Variants in MACROD2 observed in about 807,000 individuals in gnomAD.
MACROD2 encodes the protein ADP-ribose glycohydrolase MACROD2.
A neutral mutation model predicts 70.4 loss-of-function variants in MACROD2; 36 were observed. The observed-to-expected ratio is 0.51, with a 90% CI of 0.39 to 0.68. MACROD2 has a LOEUF of 0.68. Among genes scored for constraint, MACROD2 ranks in the 30% least tolerant of loss-of-function variants. The pLI, the probability that MACROD2 is intolerant of heterozygous loss-of-function variation, is 0.00. For synonymous variants in MACROD2, 172 were observed against 178.8 expected, an observed-to-expected ratio of 0.96 and a Z score of 0.30; for missense variants, 496 against 538.4, an observed-to-expected ratio of 0.92 and a Z score of 0.78.
chr20:15,169,940 T>C (rs2076411498), intron 5 of MACROD2, among the ~76,000 whole-genome samples: 1 of 152,228 alleles, frequency 6.6e-6, no homozygotes, highest in Admixed American at 6.5e-5. Flanking sequence ...TCCATCAACA[T>C]AATCTTCTTT....
At chr20:15,035,320 C>T (rs966375930) in intron 5 of MACROD2, among the ~76,000 whole-genome samples, 2 of 152,038 alleles carry the variant, frequency 1.3e-5, no homozygotes, top group Admixed American at 1.3e-4. Context: ...GGGAAGATCA[C>T]TTTTGCCTGG....
rs150135832 is a variant in MACROD2, at chr20:15,106,234, T to A, written c.419-123706T>A. On this transcript the variant is annotated intron_variant, in intron 5 of 17. Coordinates refer to ENST00000684519, the MANE Select transcript of MACROD2 (RefSeq NM_001351661.2). ...CACAACTCTTAACTCACTTACTGGG[T>A]CAAGCTTTAATTTATTTATATGTGG... Among the ~76,000 whole-genome samples, 846 of 152,272 alleles carry A rather than the reference T, an allele frequency of 5.6e-3. 5 individuals carry two copies. The highest frequency in any genetic ancestry group is 0.01 in the Middle Eastern group (3 of 294).
chr20:15,984,817 GT>G (rs1159407432), intron 13 of MACROD2, among the ~76,000 whole-genome samples: 1 of 152,120 alleles, frequency 6.6e-6, no homozygotes, highest in Non-Finnish European at 1.5e-5. Context: ...ATAAGATCTT[GT>G]TTAGTCTGAA....
rs138586767 is a variant in MACROD2, at chr20:14,030,511, C to T, written c.163+28107C>T. 7.0e-3 allele frequency among the ~76,000 whole-genome samples: 1,067 copies of T among 152,072 alleles called. 15 individuals are homozygous for T. The highest frequency in any genetic ancestry group is 0.024 in the African/African-American group (995 of 41,452). ...GCAACCTCTGCCTCCCGGGTTCAAG[C>T]GATTCTCCTGACTTAGCCCCACTGA... is the stretch of plus-strand genomic sequence containing the variant. On this transcript the variant is annotated intron_variant, in intron 2 of 17. Coordinates refer to ENST00000684519, the MANE Select transcript of MACROD2 (RefSeq NM_001351661.2).
At chr20:14,982,441 C>T (rs1381094060) in intron 5 of MACROD2, among the ~76,000 whole-genome samples, 2 of 152,078 alleles carry the variant, frequency 1.3e-5, no homozygotes, top group African/African-American at 2.4e-5. Flanking sequence ...TGTCAGAGAC[C>T]TTTGTGGCAG....
intron 6 of MACROD2, among the ~76,000 whole-genome samples, chr20:15,248,882 G>C (rs1308198093): frequency 6.6e-6 from 1 of 152,166 alleles, no homozygotes; most frequent in Non-Finnish European, 1.5e-5. Context: ...TCTCTCTGAA[G>C]CAAACCCTGA....
At chr20:14,594,137 A>G (rs564635028) in intron 4 of MACROD2, among the ~76,000 whole-genome samples, 2 of 152,252 alleles carry the variant, frequency 1.3e-5, no homozygotes, top group African/African-American at 4.8e-5. Context: ...TGCCTCAGGG[A>G]GTTGTAAGGA....
intron 5 of MACROD2, among the ~76,000 whole-genome samples, chr20:15,180,312 C>T (rs940164414): frequency 2.0e-5 from 3 of 151,970 alleles, no homozygotes; most frequent in Non-Finnish European, 4.4e-5. Context: ...TTTTTTTATC[C>T]GTTTAGCTTT....
chr20:14,347,417 C>A (rs567855545), intron 3 of MACROD2, among the ~76,000 whole-genome samples: 21 of 152,084 alleles, frequency 1.4e-4, no homozygotes, highest in Non-Finnish European at 1.9e-4. Context: ...ATAATAATAT[C>A]GATGTAATGA....
At chr20:14,984,421 G>A (rs188376460) in intron 5 of MACROD2, among the ~76,000 whole-genome samples, 11 of 152,208 alleles carry the variant, frequency 7.2e-5, no homozygotes, top group African/African-American at 2.4e-4. Flanking sequence ...AAGAATATCC[G>A]GAATAGTCAG....
intron 8 of MACROD2, among the ~76,000 whole-genome samples, chr20:15,652,370 T>C (rs994705913): frequency 2.6e-5 from 4 of 152,228 alleles, no homozygotes; most frequent in African/African-American, 9.6e-5. Context: ...AAGTTAATTC[T>C]TTTCATCTTT....
chr20:15,248,559 C>G (rs541340239), intron 6 of MACROD2, among the ~76,000 whole-genome samples: 1 of 152,258 alleles, frequency 6.6e-6, no homozygotes, highest in East Asian at 1.9e-4. Context: ...CTACAAGTCC[C>G]TGATTCCCAA....
chr20:14,495,835 C>T (rs866397497), intron 4 of MACROD2, among the ~76,000 whole-genome samples: 14 of 152,098 alleles, frequency 9.2e-5, no homozygotes, highest in Admixed American at 2.6e-4. Flanking sequence ...CAATTTGTCA[C>T]GATTTATAAT....
rs562824863 is a variant in MACROD2 at position 14,422,156 on chromosome 20, G to T, written c.272-71323G>T. On this transcript the variant is annotated intron_variant, in intron 3 of 17. Coordinates refer to ENST00000684519, the MANE Select transcript of MACROD2 (RefSeq NM_001351661.2). ...TGACCCTTTTATCAGTATATAATGT[G>T]TGTCTTTCTCCTTTTACAGTTTTTG... 3.3e-5 allele frequency among the ~76,000 whole-genome samples: 5 copies of T among 152,126 alleles called. No homozygotes were observed. The South Asian group carries it at 1.0e-3, about 32-fold the overall frequency.
intron 5 of MACROD2, among the ~76,000 whole-genome samples, chr20:14,848,646 G>A (rs2073167616): frequency 1.3e-5 from 2 of 152,166 alleles, no homozygotes; most frequent in East Asian, 1.9e-4. Flanking sequence ...CACTTGAAAT[G>A]TGGTGATTGC....
chr20:14,661,783 A>T (rs548245003), intron 4 of MACROD2, among the ~76,000 whole-genome samples: 2 of 141,918 alleles, frequency 1.4e-5, no homozygotes, highest in Non-Finnish European at 3.0e-5. Flanking sequence ...TTGAGCAATG[A>T]AAGAAAACAT....
At chr20:13,998,950 G>A (rs1314164801) in intron 1 of MACROD2, among the ~76,000 whole-genome samples, 3 of 123,958 alleles carry the variant, frequency 2.4e-5, no homozygotes, top group Admixed American at 9.5e-5. Context: ...GCAAGACTCC[G>A]TCTCAAAAAA....
intron 5 of MACROD2, among the ~76,000 whole-genome samples, chr20:14,734,631 T>TC (rs2071640240): frequency 6.6e-6 from 1 of 152,084 alleles, no homozygotes; most frequent in South Asian, 2.1e-4. Flanking sequence ...ACTTTTTTTT[T>TC]CTTAATAGTA....
intron 3 of MACROD2, among the ~76,000 whole-genome samples, chr20:14,316,811 A>G (rs1182466952): frequency 2.6e-5 from 4 of 152,154 alleles, no homozygotes; most frequent in African/African-American, 9.7e-5. Flanking sequence ...CACCACCACT[A>G]TTCTGTTCCA....
Sources: gnomAD v4.1 joint callset for allele counts (sites outside exome capture counted in the v4.1 genomes callset) on GRCh38, gnomAD v4.1.1 for gene constraint, MANE v1.5 for transcripts, NCBI Gene and HGNC (gene_info 2026-07-23, HGNC 2026-07-21) for gene names.